WDR49: variants seen among roughly 807,000 people sequenced by gnomAD.
WDR49 encodes the protein WD repeat domain 49, also known as cilia- and flagella-associated protein 337.
A neutral mutation model predicts 119.5 loss-of-function variants in WDR49; 107 were observed. That is an observed-to-expected ratio of 0.90 (90% confidence interval 0.77 to 1.05). The LOEUF (loss-of-function observed/expected upper bound fraction) is 1.05, where lower values mean the gene tolerates loss of function less well. WDR49 is among the 50% of genes least tolerant of loss of function. The pLI, the probability that WDR49 is intolerant of heterozygous loss-of-function variation, is 0.00. For missense variants in WDR49, 1,240 were observed against 1,220.5 expected, an observed-to-expected ratio of 1.02 and a Z score of -0.24; for synonymous variants, 425 against 418.8, an observed-to-expected ratio of 1.01 and a Z score of -0.18.
chr3:167,565,268 T>C (rs1006030068), intron 8 of WDR49, among the ~76,000 whole-genome samples: 1 of 151,886 alleles, frequency 6.6e-6, no homozygotes, highest in African/African-American at 2.4e-5. Flanking sequence ...ACCTGTAATA[T>C]GCAAGGCCCT....
At chr3:167,500,596 G>A (rs943273863) in intron 17 of WDR49, among the ~76,000 whole-genome samples, 1 of 151,996 alleles carries the variant, frequency 6.6e-6, no homozygotes, top group African/African-American at 2.4e-5. Context: ...TTTTGGAAAA[G>A]CTCCAGTTTT....
intron 7 of WDR49, among the ~76,000 whole-genome samples, chr3:167,580,669 T>C (rs1714485601): frequency 6.6e-6 from 1 of 152,310 alleles, no homozygotes; most frequent in Non-Finnish European, 1.5e-5. Context: ...GTCTATATCC[T>C]TCTAATCATA....
At chr3:167,567,716 G>A (rs372690484) in intron 8 of WDR49, among the ~76,000 whole-genome samples, 46 of 152,262 alleles carry the variant, frequency 3.0e-4, no homozygotes, top group East Asian at 2.9e-3. Flanking sequence ...TAAAGATGTC[G>A]TGTTTGGGGG....
chr3:167,617,465 G>C (rs1716653042), intron 5 of WDR49, among the ~76,000 whole-genome samples: 1 of 152,210 alleles, frequency 6.6e-6, no homozygotes, highest in Non-Finnish European at 1.5e-5. Context: ...GGTAGATGTT[G>C]CAGTGAGCCA....
At chr3:167,570,936 T>A (rs2108279690) in intron 8 of WDR49, among the ~76,000 whole-genome samples, 1 of 150,172 alleles carries the variant, frequency 6.7e-6, no homozygotes, top group African/African-American at 2.5e-5. Flanking sequence ...CTCAGGAGGT[T>A]GAGGTAGGAA....
At chr3:167,568,462 G>C (rs1224046576) in intron 8 of WDR49, among the ~76,000 whole-genome samples, 4 of 152,068 alleles carry the variant, frequency 2.6e-5, no homozygotes, top group African/African-American at 9.7e-5. Flanking sequence ...AGGTAAAAAG[G>C]TATTTCACAA....
intron 5 of WDR49, among the ~76,000 whole-genome samples, chr3:167,617,485 C>T (rs570243714): frequency 6.6e-6 from 1 of 152,214 alleles, no homozygotes; most frequent in Admixed American, 6.5e-5. Flanking sequence ...AAGATCGCAC[C>T]ACTGCACTCC....
intron 17 of WDR49, among the ~76,000 whole-genome samples, chr3:167,501,763 T>C (rs1751579109): frequency 6.6e-6 from 1 of 152,202 alleles, no homozygotes; most frequent in South Asian, 2.1e-4. Context: ...GGTCTTTAAT[T>C]GTTTTCTGGT....
At chr3:167,586,677 A>G (rs1413921629) in intron 7 of WDR49, among the ~76,000 whole-genome samples, 1 of 152,230 alleles carries the variant, frequency 6.6e-6, no homozygotes, top group African/African-American at 2.4e-5. Context: ...GGCAGAATGC[A>G]TTGTTGTTTG....
intron 10 of WDR49, among the ~76,000 whole-genome samples, chr3:167,550,174 C>G (rs1355997148): frequency 6.6e-6 from 1 of 152,042 alleles, no homozygotes; most frequent in Non-Finnish European, 1.5e-5. Flanking sequence ...CTTGGCAATG[C>G]AGGCTCTTTT....
intron 2 of WDR49, among the ~76,000 whole-genome samples, chr3:167,644,810 G>A (rs1559930721): frequency 6.6e-6 from 1 of 151,984 alleles, no homozygotes; most frequent in South Asian, 2.1e-4. Context: ...TATTCCCTTG[G>A]TTCTTCACCA....
rs192954681 is a variant in WDR49 at position 167,573,873 on chromosome 3, A to G, written c.1509+2045T>C. Among the ~76,000 whole-genome samples the G allele has an allele frequency of 6.2e-4, 94 of 152,244 alleles. 1 individual carries two copies. The highest frequency in any genetic ancestry group is 5.6e-4 in the Non-Finnish European group (38 of 68,000). On this transcript the variant is annotated intron_variant, in intron 8 of 18. Coordinates refer to ENST00000682715, the MANE Select transcript of WDR49 (RefSeq NM_001366157.1). Reference sequence around the variant, plus strand: ...TTCCCAAACTTGCCACACCAAAATAAACCCTCTCTCCAAAAATGCACCGTG... The same window carrying G: ...TTCCCAAACTTGCCACACCAAAATAGACCCTCTCTCCAAAAATGCACCGTG...
At chr3:167,523,859 T>C (rs778148639) in intron 15 of WDR49, among the ~76,000 whole-genome samples, 9 of 152,194 alleles carry the variant, frequency 5.9e-5, no homozygotes, top group Non-Finnish European at 1.3e-4. Flanking sequence ...AAAACATACA[T>C]GTGCATGTGT....
At chr3:167,608,100 C>G (rs2108311337) in intron 5 of WDR49, among the ~76,000 whole-genome samples, 1 of 152,230 alleles carries the variant, frequency 6.6e-6, no homozygotes, top group South Asian at 2.1e-4. Context: ...TGCAATAGTA[C>G]TACTACTGTA....
At chr3:167,561,213 A>G (rs1713254047) in intron 8 of WDR49, among the ~76,000 whole-genome samples, 1 of 152,190 alleles carries the variant, frequency 6.6e-6, no homozygotes, top group African/African-American at 2.4e-5. Context: ...ACTGGCCATC[A>G]TGCATACATT....
chr3:167,556,029 C>T (rs1292744616), intron 9 of WDR49, among the ~76,000 whole-genome samples: 1 of 152,114 alleles, frequency 6.6e-6, no homozygotes, highest in African/African-American at 2.4e-5. Flanking sequence ...AGAAAAGGTA[C>T]AGTAGAAATA....
intron 8 of WDR49, chr3:167,575,368 G>T: frequency 1.2e-6 from 1 of 860,396 alleles, no homozygotes; most frequent in Non-Finnish European, 1.4e-6. Flanking sequence ...CTAAGCCAAG[G>T]CTGCGGAGCG....
intron 2 of WDR49, among the ~76,000 whole-genome samples, chr3:167,638,133 C>A (rs1001090218): frequency 6.6e-6 from 1 of 151,416 alleles, no homozygotes; most frequent in African/African-American, 2.4e-5. Context: ...GGAATATAGC[C>A]TTTAAGCATG....
chr3:167,597,022 A>G (rs1275630512), intron 7 of WDR49, among the ~76,000 whole-genome samples: 2 of 151,802 alleles, frequency 1.3e-5, no homozygotes, highest in Admixed American at 1.3e-4. Flanking sequence ...AATTTACATA[A>G]GTAACAAGGA....
Sources: gnomAD v4.1 joint callset for allele counts (sites outside exome capture counted in the v4.1 genomes callset) on GRCh38, gnomAD v4.1.1 for gene constraint, MANE v1.5 for transcripts, NCBI Gene and HGNC (gene_info 2026-07-23, HGNC 2026-07-21) for gene names.